SDK1: variants seen among roughly 807,000 people sequenced by gnomAD.
SDK1 encodes the protein sidekick cell adhesion molecule 1.
In SDK1, 157 loss-of-function variants were observed where a neutral mutation model predicts 245.5. The observed-to-expected ratio is 0.64, with a 90% CI of 0.56 to 0.73. SDK1 has a LOEUF of 0.73. Among genes scored for constraint, SDK1 ranks in the 30% least tolerant of loss-of-function variants. The pLI, the probability that SDK1 is intolerant of heterozygous loss-of-function variation, is 0.00. For synonymous variants in SDK1, 1,647 were observed against 1,278.5 expected (o/e 1.29, Z -6.15); for missense variants, 3,583 against 3,002.3 (o/e 1.19, Z -4.52).
At chr7:3,395,789 T>C (rs921005279) in intron 1 of SDK1, among the ~76,000 whole-genome samples, 5 of 151,928 alleles carry the variant, frequency 3.3e-5, no homozygotes, top group African/African-American at 1.2e-4. Flanking sequence ...GTTGTTAATA[T>C]TTCTTTGTCT....
intron 4 of SDK1, among the ~76,000 whole-genome samples, chr7:3,730,552 GCCCAGCAGAAGATTGAGTGT>G (rs1779147449): frequency 6.6e-6 from 1 of 152,160 alleles, no homozygotes; most frequent in East Asian, 1.9e-4. Context: ...AGCGGGAAGA[GCCCAGCAGAAGATTGAGTGT>G]CCTGGCAGCA....
intron 4 of SDK1, among the ~76,000 whole-genome samples, chr7:3,654,312 A>G (rs1338320173): frequency 6.6e-6 from 1 of 152,128 alleles, no homozygotes; most frequent in Non-Finnish European, 1.5e-5. Flanking sequence ...GTGTCCCTCA[A>G]CGTGAGTAAG....
At chr7:3,959,089 T>C in intron 8 of SDK1, 75 bp downstream of exon 8, 1 of 1,135,212 alleles carries the variant, frequency 8.8e-7, no homozygotes, top group Non-Finnish European at 1.3e-6. Context: ...ATAGCAGAAT[T>C]GCCATCATTC....
At chr7:3,837,997 T>TTG (rs1583464044) in intron 5 of SDK1, among the ~76,000 whole-genome samples, 2 of 152,202 alleles carry the variant, frequency 1.3e-5, no homozygotes, top group African/African-American at 4.8e-5. Flanking sequence ...TTGAGAGCCC[T>TTG]TGCACATATG....
chr7:4,152,726 A>G (rs565090041), intron 30 of SDK1, among the ~76,000 whole-genome samples: 1 of 152,250 alleles, frequency 6.6e-6, no homozygotes, highest in Non-Finnish European at 1.5e-5. Context: ...CTGCCACAGT[A>G]TAATCTCCCT....
At chr7:4,121,560 C>CT (rs988069429) in intron 25 of SDK1, among the ~76,000 whole-genome samples, 4 of 152,188 alleles carry the variant, frequency 2.6e-5, no homozygotes, top group Non-Finnish European at 5.9e-5. Flanking sequence ...ATGTGTAACT[C>CT]TGAGTCAATT....
intron 17 of SDK1, among the ~76,000 whole-genome samples, chr7:4,025,687 C>G (rs1787286182): frequency 6.6e-6 from 1 of 152,142 alleles, no homozygotes; most frequent in South Asian, 2.1e-4. Context: ...TATAAGTAAA[C>G]AAAGCATAAA....
At chr7:4,226,086 G>T (rs1777829038) in intron 40 of SDK1, among the ~76,000 whole-genome samples, 1 of 152,172 alleles carries the variant, frequency 6.6e-6, no homozygotes, top group Admixed American at 6.5e-5. Context: ...TTGGATCTCA[G>T]CTGTCATCCA....
chr7:3,821,340 C>G lies in SDK1; in HGVS notation c.714-110C>G, dbSNP rs1390364423. ...GTGTATTGTTTTTGTCCTTCCAGCT[C>G]TTCTTTTAAACTCTAGGCATTCCTT... On this transcript the variant is annotated intron_variant, in intron 4 of 44. Coordinates refer to ENST00000404826, the MANE Select transcript of SDK1 (RefSeq NM_152744.4). 7 of 1,273,522 alleles carry G rather than the reference C, an allele frequency of 5.5e-6. No homozygotes were observed. In the East Asian group the frequency reaches 1.7e-4, roughly 31 times the overall value. 78.9% of individuals were successfully genotyped at this position (1,273,522 alleles called of 1,614,324 possible).
At chr7:4,211,633 G>A (rs1010891912) in intron 38 of SDK1, among the ~76,000 whole-genome samples, 7 of 151,914 alleles carry the variant, frequency 4.6e-5, no homozygotes, top group Admixed American at 3.3e-4. Context: ...TTTTTGAGAC[G>A]GAGTCTTGCT....
At chr7:3,636,681 T>A (rs942592434) in intron 2 of SDK1, among the ~76,000 whole-genome samples, 7 of 152,216 alleles carry the variant, frequency 4.6e-5, no homozygotes, top group African/African-American at 1.4e-4. Flanking sequence ...GGCAGACATC[T>A]GAGATTCTTC....
intron 1 of SDK1, among the ~76,000 whole-genome samples, chr7:3,357,623 C>G (rs892391396): frequency 6.6e-6 from 1 of 151,836 alleles, no homozygotes; most frequent in Non-Finnish European, 1.5e-5. Context: ...GCTGGGATGA[C>G]AGGCATGAGC....
At chr7:4,219,869 C>CT (rs1785042628) in intron 38 of SDK1, among the ~76,000 whole-genome samples, 1 of 151,572 alleles carries the variant, frequency 6.6e-6, no homozygotes, top group African/African-American at 2.4e-5. Context: ...CAGCCTCCCC[C>CT]TTTTGTGTTG....
intron 1 of SDK1, among the ~76,000 whole-genome samples, chr7:3,413,244 A>T (rs546759198): frequency 6.6e-6 from 1 of 152,170 alleles, no homozygotes; most frequent in African/African-American, 2.4e-5. Flanking sequence ...AGAAACAAAC[A>T]GTAGGGTAGA....
intron 44 of SDK1, among the ~76,000 whole-genome samples, chr7:4,254,065 T>C (rs983736623): frequency 1.3e-5 from 2 of 152,208 alleles, no homozygotes; most frequent in Non-Finnish European, 2.9e-5. Context: ...TTATGGGAAC[T>C]TTACTCCTAT....
At chr7:4,254,106 A>G (rs762892195) in intron 44 of SDK1, among the ~76,000 whole-genome samples, 10 of 151,994 alleles carry the variant, frequency 6.6e-5, no homozygotes, top group Admixed American at 1.3e-4. Context: ...TTTTTGTGCT[A>G]TTACTATACA....
At chr7:3,724,438 T>C (rs779382986) in intron 4 of SDK1, among the ~76,000 whole-genome samples, 10 of 152,116 alleles carry the variant, frequency 6.6e-5, no homozygotes, top group Non-Finnish European at 1.2e-4. Context: ...AATAAATAGT[T>C]GTTATTCTAT....
intron 1 of SDK1, among the ~76,000 whole-genome samples, chr7:3,488,881 C>T (rs928880100): frequency 6.6e-6 from 1 of 151,052 alleles, no homozygotes; most frequent in Non-Finnish European, 1.5e-5. Context: ...TAGCACTTCT[C>T]TCTTTCCCTT....
At chr7:4,007,318 G>A (rs1785558906) in intron 14 of SDK1, among the ~76,000 whole-genome samples, 1 of 152,262 alleles carries the variant, frequency 6.6e-6, no homozygotes, top group South Asian at 2.1e-4. Flanking sequence ...ACCCCAGAAG[G>A]AGAGATTATG....
Sources: gnomAD v4.1 joint callset for allele counts (sites outside exome capture counted in the v4.1 genomes callset) on GRCh38, gnomAD v4.1.1 for gene constraint, MANE v1.5 for transcripts, NCBI Gene and HGNC (gene_info 2026-07-23, HGNC 2026-07-21) for gene names.